Variants in ATP8A2 observed in about 807,000 individuals in gnomAD.
ATP8A2 encodes the protein phospholipid-transporting ATPase IB.
In ATP8A2, 100 loss-of-function variants were observed where a neutral mutation model predicts 165.6. The observed-to-expected ratio is 0.60, with a 90% CI of 0.51 to 0.71. The LOEUF is 0.71. Ranked by LOEUF, ATP8A2 falls within the 30% of genes least tolerant of loss-of-function variation. The probability of loss-of-function intolerance (pLI) is 0.00; values close to 1 mark genes in which losing one functional copy is unlikely to be tolerated. For synonymous variants in ATP8A2, 543 were observed against 548.8 expected (o/e 0.99, Z 0.15); for missense variants, 1,227 against 1,479.5 (o/e 0.83, Z 2.80).
At chr13:25,790,751 A>T (rs1300529481) in intron 27 of ATP8A2, among the ~76,000 whole-genome samples, 2 of 152,108 alleles carry the variant, frequency 1.3e-5, no homozygotes, top group Non-Finnish European at 2.9e-5. Flanking sequence ...AAGAAGACAT[A>T]CACAGTGGCC....
intron 33 of ATP8A2, among the ~76,000 whole-genome samples, chr13:25,931,570 A>G (rs745799566): frequency 2.4e-4 from 36 of 152,282 alleles, no homozygotes; most frequent in Admixed American, 6.5e-4. Flanking sequence ...GGCATGCTGG[A>G]TAAGCAGTGG....
intron 25 of ATP8A2, among the ~76,000 whole-genome samples, chr13:25,715,953 G>A (rs892439525): frequency 6.6e-6 from 1 of 152,158 alleles, no homozygotes; most frequent in Non-Finnish European, 1.5e-5. Context: ...CTAGCAATGT[G>A]TGAGGGTCCC....
At chr13:25,639,486 A>G (rs2041457151) in intron 24 of ATP8A2, among the ~76,000 whole-genome samples, 1 of 152,200 alleles carries the variant, frequency 6.6e-6, no homozygotes, top group Non-Finnish European at 1.5e-5. Context: ...TAAATCAATG[A>G]AGATCGAAAG....
At chr13:25,540,942 A>G (rs1343699240) in intron 8 of ATP8A2, among the ~76,000 whole-genome samples, 1 of 151,066 alleles carries the variant, frequency 6.6e-6, no homozygotes, top group Non-Finnish European at 1.5e-5. Flanking sequence ...GCTTACTACA[A>G]CCTCTGCCTC....
chr13:25,863,796 C>G (rs1455768877), intron 33 of ATP8A2: 1 of 152,196 alleles, frequency 6.6e-6, no homozygotes, highest in Non-Finnish European at 1.5e-5. Flanking sequence ...CAGGACGGAC[C>G]TGTCCTATAG....
intron 1 of ATP8A2, among the ~76,000 whole-genome samples, chr13:25,436,482 G>A (rs2034779783): frequency 6.6e-6 from 1 of 152,120 alleles, no homozygotes; most frequent in Admixed American, 6.5e-5. Flanking sequence ...TGGTGTATAT[G>A]TATCACATTT....
intron 2 of ATP8A2, among the ~76,000 whole-genome samples, chr13:25,512,376 G>C (rs1278589563): frequency 6.6e-6 from 1 of 151,876 alleles, no homozygotes; most frequent in Non-Finnish European, 1.5e-5. Flanking sequence ...ATCATGGCCT[G>C]TTCTCAATGA....
chr13:25,772,733 TTA>T lies in ATP8A2; in HGVS notation c.2569-2115_2569-2114del, dbSNP rs1432076818. ...TCTATTGAGAGTTACATTTAATTAA[TTA>T]ATTTATTTATTTATTTATTTATTTA... On this transcript the variant is annotated intron_variant, in intron 26 of 36. Transcript: ENST00000381655. Among the ~76,000 whole-genome samples the T allele has an allele frequency of 1.2e-3, 177 of 151,118 alleles. 1 individual carries two copies. The highest frequency in any genetic ancestry group is 4.1e-3 in the African/African-American group (168 of 41,328).
chr13:25,514,297 A>C (rs1208069937), intron 2 of ATP8A2, among the ~76,000 whole-genome samples: 1 of 152,184 alleles, frequency 6.6e-6, no homozygotes, highest in East Asian at 1.9e-4. Context: ...CATTACTCCA[A>C]ACTCTAAAAT....
chr13:25,378,731 T>G (rs967542701), intron 1 of ATP8A2, among the ~76,000 whole-genome samples: 1 of 152,224 alleles, frequency 6.6e-6, no homozygotes, highest in Non-Finnish European at 1.5e-5. Flanking sequence ...CCTGCATAAC[T>G]GACAGCACTT....
At chr13:26,013,147 A>G (rs1331075585) in intron 36 of ATP8A2, among the ~76,000 whole-genome samples, 1 of 148,770 alleles carries the variant, frequency 6.7e-6, no homozygotes, top group Non-Finnish European at 1.5e-5. Flanking sequence ...TTTGGAGCTC[A>G]GGGGGAGCTC....
intron 33 of ATP8A2, among the ~76,000 whole-genome samples, chr13:25,910,167 G>A (rs1199835007): frequency 6.6e-6 from 1 of 152,098 alleles, no homozygotes; most frequent in Admixed American, 6.5e-5. Flanking sequence ...TCCTATAATA[G>A]GTAATACTTT....
intron 1 of ATP8A2, among the ~76,000 whole-genome samples, chr13:25,433,671 A>G (rs1223086572): frequency 3.3e-5 from 5 of 152,216 alleles, no homozygotes; most frequent in African/African-American, 1.2e-4. Context: ...ACACACAACT[A>G]TCCTGCATTA....
At position 25,633,471 on chromosome 13, in the gene ATP8A2, G is replaced by A. The variant is rs558363962; in HGVS notation, c.2211+43772G>A. 7.2e-5 allele frequency among the ~76,000 whole-genome samples: 11 copies of A among 152,262 alleles called. 1 individual carries two copies. The South Asian group carries it at 2.1e-3, about 29-fold the overall frequency. On this transcript the variant is annotated intron_variant, in intron 24 of 36. Transcript: ENST00000381655. Reference sequence around the variant, plus strand: ...CAAGAGAGTGCATGGGAATACGAGCGAGATCACCTCTTTGTCTTTTTAGAA... The same window carrying A: ...CAAGAGAGTGCATGGGAATACGAGCAAGATCACCTCTTTGTCTTTTTAGAA...
intron 4 of ATP8A2, among the ~76,000 whole-genome samples, chr13:25,531,350 A>G (rs1454262111): frequency 7.5e-6 from 1 of 133,486 alleles, no homozygotes; most frequent in African/African-American, 3.0e-5. Context: ...TATATGATAT[A>G]TATGTTATAT....
Position 25,559,047 on chromosome 13 carries a change from C to T in ATP8A2, c.1338C>T (p.Ala446=), listed in dbSNP as rs773666411. 2.5e-5 allele frequency: 40 copies of T among 1,608,466 alleles called. No homozygotes were observed. The highest frequency in any genetic ancestry group is 6.7e-5 in the East Asian group (3 of 44,742). The stretch of plus-strand genomic sequence containing the variant: ...TGAACTTTAAGAAGTGCAGCATTGC[C>T]GGAGTAACCTATGGGTCAGTGTGTT... ...NIMNFKKCSI[A]GVTYGHFPEL... is the part of the protein sequence containing the mutation. Residue 446 remains alanine, a synonymous_variant, in exon 14 of 37, where the codon GCC becomes GCT. Transcript: ENST00000381655.
intron 25 of ATP8A2, among the ~76,000 whole-genome samples, chr13:25,710,853 A>AAAG (rs749928796): frequency 6.6e-6 from 1 of 151,998 alleles, no homozygotes; most frequent in Non-Finnish European, 1.5e-5. Flanking sequence ...AGAGGCTAGC[A>AAAG]CTCAAGCTAT....
chr13:25,892,793 T>C (rs951582959), intron 33 of ATP8A2, among the ~76,000 whole-genome samples: 1 of 146,918 alleles, frequency 6.8e-6, no homozygotes, highest in South Asian at 2.1e-4. Flanking sequence ...AAGCACAGAC[T>C]TTTTTTTAGT....
intron 25 of ATP8A2, among the ~76,000 whole-genome samples, chr13:25,738,622 C>A (rs984922600): frequency 3.3e-5 from 5 of 152,238 alleles, no homozygotes; most frequent in African/African-American, 9.6e-5. Context: ...ACCCTAAACA[C>A]TTCTGTTTTC....
Sources: allele counts gnomAD v4.1 joint callset (sites outside exome capture counted in the v4.1 genomes callset), GRCh38; gene constraint gnomAD v4.1.1; transcripts MANE v1.5; gene names NCBI Gene and HGNC (gene_info 2026-07-23, HGNC 2026-07-21).